The following RTF2 variants were observed in gnomAD, a reference collection of about 807,000 sequenced individuals.
RTF2 encodes UPF0549 protein C20orf43.
In RTF2, 18 loss-of-function variants were observed where a neutral mutation model predicts 38.0. The ratio of observed to expected loss-of-function variants is 0.47; its 90% CI spans 0.33 to 0.70. The LOEUF is 0.70. RTF2 is among the 30% of genes least tolerant of loss of function. The pLI is 0.02. For synonymous variants in RTF2, 126 were observed against 137.1 expected, an observed-to-expected ratio of 0.92 and a Z score of 0.57; for missense variants, 311 against 379.6, an observed-to-expected ratio of 0.82 and a Z score of 1.50.
chr20:56,516,821 C>G, intron 6 of RTF2, 114 bp from the exon 7 acceptor site: 2 of 870,810 alleles, frequency 2.3e-6, no homozygotes, highest in Non-Finnish European at 1.9e-6. Context: ...CTGTCTGTCT[C>G]ATGTGACTAG....
chr20:56,512,604 C>T (rs974528391), intron 5 of RTF2, among the ~76,000 whole-genome samples: 5 of 152,188 alleles, frequency 3.3e-5, no homozygotes, highest in Admixed American at 3.3e-4. Context: ...CAGTCTTGTT[C>T]TGCCGGGGTG....
intron 4 of RTF2, among the ~76,000 whole-genome samples, chr20:56,479,440 G>A (rs1273654097): frequency 2.6e-5 from 4 of 152,020 alleles, no homozygotes; most frequent in African/African-American, 9.7e-5. Flanking sequence ...GGCCGGGCTG[G>A]TCTCAAACTC....
At chr20:56,508,067 C>T (rs996295687) in intron 5 of RTF2, among the ~76,000 whole-genome samples, 2 of 152,170 alleles carry the variant, frequency 1.3e-5, no homozygotes, top group African/African-American at 4.8e-5. Context: ...CATATAACTT[C>T]TCTATGGCAC....
At chr20:56,504,429 G>A (rs1041412464) in intron 5 of RTF2, 1 of 152,162 alleles carries the variant, frequency 6.6e-6, no homozygotes, top group Non-Finnish European at 1.5e-5. Flanking sequence ...AATACAGGAG[G>A]CATGATTTAG....
Position 56,484,318 on chromosome 20 carries a change from C to T in RTF2, c.477+129C>T, listed in dbSNP as rs552971418. 37 of 773,466 alleles carry T rather than the reference C, an allele frequency of 4.8e-5. 1 individual carries two copies. The highest frequency in any genetic ancestry group is 4.4e-4 in the South Asian group (28 of 64,208). 47.9% of individuals were successfully genotyped at this position (773,466 alleles called of 1,614,324 possible). ...AAGTTGCTTTTCTGCTTCCATGGCT[C>T]TTGGTTGCTGGAAGTGCAGAATCCA... On this transcript the variant is annotated intron_variant, in intron 5 of 8. Coordinates refer to ENST00000357348, the MANE Select transcript of RTF2 (RefSeq NM_016407.5).
intron 4 of RTF2, among the ~76,000 whole-genome samples, chr20:56,479,651 G>C (rs1488421034): frequency 1.3e-5 from 2 of 152,208 alleles, no homozygotes; most frequent in African/African-American, 4.8e-5. Flanking sequence ...CTTATGAAAT[G>C]TATTTTTAAA....
At chr20:56,506,668 C>G (rs1984291557) in intron 5 of RTF2, among the ~76,000 whole-genome samples, 1 of 152,152 alleles carries the variant, frequency 6.6e-6, no homozygotes, top group Non-Finnish European at 1.5e-5. Flanking sequence ...GCCCCAAACT[C>G]TAACCATATA....
chr20:56,495,710 T>A (rs1983485010), intron 5 of RTF2, among the ~76,000 whole-genome samples: 1 of 152,204 alleles, frequency 6.6e-6, no homozygotes, highest in Non-Finnish European at 1.5e-5. Context: ...CATGAAATTA[T>A]ATTAAAAAAA....
chr20:56,477,399 CAT>C (rs1470548351), intron 4 of RTF2, among the ~76,000 whole-genome samples: 1 of 152,194 alleles, frequency 6.6e-6, no homozygotes, highest in Non-Finnish European at 1.5e-5. Context: ...GAAAAGTTCT[CAT>C]GTGACGCTTA....
In RTF2 at chr20:56,506,204, TG is replaced by T. The variant is rs202109927; in HGVS notation, c.478-7109del. Among the ~76,000 whole-genome samples the T allele has an allele frequency of 6.6e-4, 100 of 152,336 alleles. 1 individual carries two copies. The East Asian group carries it at 0.015, about 23-fold the overall frequency. ...GCAGAACCCTAGGCTCCTCCCGCCA[TG>T]GAACATGAAGACAAAATGCTTCCTG... On this transcript the variant is annotated intron_variant, in intron 5 of 8. Transcript: ENST00000357348.
intron 1 of RTF2, 27 bp downstream of exon 1, chr20:56,468,793 G>C (rs1439655423): frequency 2.1e-5 from 33 of 1,548,852 alleles, no homozygotes; most frequent in Non-Finnish European, 2.7e-5. Flanking sequence ...GGCTCTTGGC[G>C]ACCGGGGGTG....
chr20:56,505,345 G>A (rs930931783), intron 5 of RTF2, among the ~76,000 whole-genome samples: 1 of 151,772 alleles, frequency 6.6e-6, no homozygotes, highest in African/African-American at 2.4e-5. Context: ...AAAATTAGCC[G>A]GATATGGTGG....
intron 5 of RTF2, among the ~76,000 whole-genome samples, chr20:56,508,958 C>T (rs1488151459): frequency 2.0e-5 from 3 of 152,046 alleles, no homozygotes; most frequent in Admixed American, 6.6e-5. Flanking sequence ...TTGGGTTAGG[C>T]GATGACTTAC....
intron 5 of RTF2, among the ~76,000 whole-genome samples, chr20:56,498,452 C>T (rs539032093): frequency 2.0e-5 from 3 of 151,554 alleles, no homozygotes; most frequent in Non-Finnish European, 2.9e-5. Context: ...CTGATTATCC[C>T]GTTGCACTCC....
At chr20:56,508,052 T>C (rs900625027) in intron 5 of RTF2, among the ~76,000 whole-genome samples, 4 of 152,286 alleles carry the variant, frequency 2.6e-5, no homozygotes, top group African/African-American at 4.8e-5. Context: ...CGTGCTTCAG[T>C]CATTCATATA....
chr20:56,493,730 T>G (rs1315291091), intron 5 of RTF2, among the ~76,000 whole-genome samples: 1 of 150,970 alleles, frequency 6.6e-6, no homozygotes, highest in Non-Finnish European at 1.5e-5. Context: ...GAAAAGCAAC[T>G]CAGCTACACC....
chr20:56,495,687 A>C (rs4810021), intron 5 of RTF2, among the ~76,000 whole-genome samples: 1 of 151,966 alleles, frequency 6.6e-6, no homozygotes, highest in Non-Finnish European at 1.5e-5. Context: ...TTGAAAATCA[A>C]ACTTGCAGTG....
At chr20:56,474,084 A>T (rs1215398667) in intron 2 of RTF2, among the ~76,000 whole-genome samples, 1 of 152,202 alleles carries the variant, frequency 6.6e-6, no homozygotes, top group Non-Finnish European at 1.5e-5. Context: ...AATTTTTTTA[A>T]AAAAAGAAGA....
chr20:56,497,043 T>G (rs1983591123), intron 5 of RTF2: 5 of 1,551,614 alleles, frequency 3.2e-6, no homozygotes, highest in Non-Finnish European at 3.5e-6. Context: ...CACTAGAACT[T>G]TCATACAATT....
Sources: allele counts gnomAD v4.1 joint callset (sites outside exome capture counted in the v4.1 genomes callset), GRCh38; gene constraint gnomAD v4.1.1; transcripts MANE v1.5; gene names NCBI Gene and HGNC (gene_info 2026-07-23, HGNC 2026-07-21).